Variants in NSMCE2 observed in about 807,000 individuals in gnomAD.
NSMCE2 encodes the protein NSE2 SUMO ligase component of SMC5/6 complex, also known as E3 SUMO-protein ligase NSE2.
A neutral mutation model predicts 23.8 loss-of-function variants in NSMCE2; 24 were observed. That is an observed-to-expected ratio of 1.01 (90% confidence interval 0.73 to 1.42). NSMCE2 has a LOEUF of 1.42. NSMCE2 is among the 40% of genes most tolerant of loss of function. The probability of loss-of-function intolerance (pLI) is 0.00; values close to 1 mark genes in which losing one functional copy is unlikely to be tolerated. For synonymous variants in NSMCE2, 92 were observed against 94.1 expected (o/e 0.98, Z 0.13); for missense variants, 284 against 296.5 (o/e 0.96, Z 0.31).
In NSMCE2 at chr8:125,221,349, G is replaced by A. The variant is rs575323590; in HGVS notation, c.418+39093G>A. 2.0e-5 allele frequency among the ~76,000 whole-genome samples: 3 copies of A among 152,270 alleles called. No individual in the cohort carries two copies. The South Asian group carries it at 6.2e-4, about 32-fold the overall frequency. ...CAGCCTCAACTTCCCTCACTCAGGT[G>A]ATCCTCCCACCTCAGACCTGAGTAG... On this transcript the variant is annotated intron_variant, in intron 5 of 7. Transcript: ENST00000287437.
At chr8:125,258,257 T>C (rs756101520) in intron 5 of NSMCE2, among the ~76,000 whole-genome samples, 5 of 152,210 alleles carry the variant, frequency 3.3e-5, no homozygotes, top group Non-Finnish European at 7.3e-5. Context: ...CAGGGATTGA[T>C]AGCTGTGTTA....
At chr8:125,279,094 G>A (rs189964965) in intron 5 of NSMCE2, among the ~76,000 whole-genome samples, 118 of 152,282 alleles carry the variant, frequency 7.7e-4, no homozygotes, top group African/African-American at 2.7e-3. Context: ...AAAGTTTAGA[G>A]TTGCCAGTTA....
chr8:125,195,904 T>TTTTTTTTTTTTTTTTTTTTTTTC (rs1823590627), intron 5 of NSMCE2, among the ~76,000 whole-genome samples: 1 of 132,956 alleles, frequency 7.5e-6, no homozygotes, highest in Admixed American at 7.6e-5. Flanking sequence ...TTTTTTTTTT[T>TTTTTTTTTTTTTTTTTTTTTTTC]GAGATGGAGT....
At chr8:125,228,536 A>G (rs765275422) in intron 5 of NSMCE2, among the ~76,000 whole-genome samples, 1 of 152,236 alleles carries the variant, frequency 6.6e-6, no homozygotes. Context: ...AAGAGCTGAC[A>G]TTTGAGCTGA....
At chr8:125,308,942 C>T (rs1413611650) in intron 5 of NSMCE2, among the ~76,000 whole-genome samples, 2 of 152,124 alleles carry the variant, frequency 1.3e-5, no homozygotes, top group East Asian at 1.9e-4. Flanking sequence ...TGCAGCTGTC[C>T]ATGAAAGAAT....
chr8:125,352,091 A>G (rs1053835120), intron 5 of NSMCE2, among the ~76,000 whole-genome samples: 1 of 152,186 alleles, frequency 6.6e-6, no homozygotes, highest in Non-Finnish European at 1.5e-5. Context: ...CTTCATGGGT[A>G]TTTTGTTAGG....
chr8:125,316,818 G>T (rs1396834400), intron 5 of NSMCE2, among the ~76,000 whole-genome samples: 2 of 141,400 alleles, frequency 1.4e-5, no homozygotes, highest in Non-Finnish European at 3.0e-5. Flanking sequence ...TTGCTCTGTT[G>T]CCAGGCTGGA....
At chr8:125,170,125 A>T (rs755044182) in intron 4 of NSMCE2, among the ~76,000 whole-genome samples, 1 of 152,000 alleles carries the variant, frequency 6.6e-6, no homozygotes, top group Non-Finnish European at 1.5e-5. Context: ...CTCCAAAACC[A>T]CATCTCAGAC....
intron 5 of NSMCE2, among the ~76,000 whole-genome samples, chr8:125,314,391 G>A (rs956311376): frequency 5.9e-5 from 9 of 152,170 alleles, no homozygotes; most frequent in Non-Finnish European, 1.0e-4. Context: ...CCAGATTCAA[G>A]CGATTCTCCT....
intron 5 of NSMCE2, among the ~76,000 whole-genome samples, chr8:125,340,988 C>G (rs1301732046): frequency 6.6e-6 from 1 of 152,148 alleles, no homozygotes; most frequent in African/African-American, 2.4e-5. Context: ...TCCTGAATTC[C>G]CTGCTTACGT....
intron 4 of NSMCE2, among the ~76,000 whole-genome samples, chr8:125,156,579 A>T (rs762231979): frequency 6.6e-6 from 1 of 152,136 alleles, no homozygotes; most frequent in Non-Finnish European, 1.5e-5. Flanking sequence ...ATTGTTTTTT[A>T]TAAATTCGTT....
At chr8:125,357,909 G>A (rs1297716264) in intron 7 of NSMCE2, 91 bp downstream of exon 7, 7 of 849,354 alleles carry the variant, frequency 8.2e-6, no homozygotes, top group Non-Finnish European at 1.4e-5. Context: ...GCACTTCAAT[G>A]TCTCTTCTAA....
intron 5 of NSMCE2, among the ~76,000 whole-genome samples, chr8:125,217,566 C>T (rs1415599859): frequency 6.6e-6 from 1 of 152,044 alleles, no homozygotes; most frequent in African/African-American, 2.4e-5. Flanking sequence ...CAGGGTTTCA[C>T]TGTGTTAGCC....
chr8:125,261,756 A>C (rs1826700621), intron 5 of NSMCE2, among the ~76,000 whole-genome samples: 2 of 152,046 alleles, frequency 1.3e-5, no homozygotes, highest in East Asian at 3.9e-4. Flanking sequence ...AAAAAAAAAA[A>C]AACAAAAACA....
chr8:125,260,514 C>T (rs1047699768), intron 5 of NSMCE2, among the ~76,000 whole-genome samples: 5 of 149,046 alleles, frequency 3.4e-5, no homozygotes, highest in South Asian at 2.2e-4. Flanking sequence ...ACTTAGTGGA[C>T]GTTGAACCTT....
intron 5 of NSMCE2, among the ~76,000 whole-genome samples, chr8:125,311,917 A>T (rs1212445984): frequency 6.6e-6 from 1 of 151,980 alleles, no homozygotes; most frequent in Non-Finnish European, 1.5e-5. Flanking sequence ...AAAAATACAA[A>T]ATTAGCCAGG....
chr8:125,140,486 A>C lies in NSMCE2; in HGVS notation c.158-10685A>C, dbSNP rs565370457. Among the ~76,000 whole-genome samples the C allele has an allele frequency of 2.6e-4, 40 of 152,230 alleles. No individual in the cohort carries two copies. The East Asian group carries it at 4.8e-3, about 18-fold the overall frequency. On this transcript the variant is annotated intron_variant, in intron 3 of 7. Transcript: ENST00000287437. Reference sequence around the variant, plus strand: ...GAGACCAGCCTGGCCAACATGGTGAAACCCCATCTCTACTGAAAATACAAA... The same window carrying C: ...GAGACCAGCCTGGCCAACATGGTGACACCCCATCTCTACTGAAAATACAAA...
intron 1 of NSMCE2, 39 bp downstream of exon 1, chr8:125,091,997 A>T (rs1002536705): frequency 2.0e-5 from 3 of 152,272 alleles, no homozygotes; most frequent in African/African-American, 7.2e-5. Flanking sequence ...GGAGGGTGGC[A>T]GGAGTTTCGC....
rs937588371 is a variant in NSMCE2 at position 125,349,314 on chromosome 8, C to G, written c.419-7905C>G. 2.0e-5 allele frequency among the ~76,000 whole-genome samples: 3 copies of G among 152,188 alleles called. No individual in the cohort carries two copies. The South Asian group carries it at 6.2e-4, about 31-fold the overall frequency. ...CAAATTTTCCAAGCACCAGCTCAGC[C>G]TTTCCAAATAAACTGTCTTTGGAAT... On this transcript the variant is annotated intron_variant, in intron 5 of 7. Coordinates refer to ENST00000287437, the MANE Select transcript of NSMCE2 (RefSeq NM_173685.4).
Sources: gnomAD v4.1 joint callset for allele counts (sites outside exome capture counted in the v4.1 genomes callset) on GRCh38, gnomAD v4.1.1 for gene constraint, MANE v1.5 for transcripts, NCBI Gene and HGNC (gene_info 2026-07-23, HGNC 2026-07-21) for gene names.